Variants in F11R observed in about 807,000 individuals in gnomAD.
F11R encodes junctional adhesion molecule A.
F11R carries 27 observed loss-of-function variants against 39.3 expected under a neutral mutation model. The observed-to-expected ratio is 0.69, with a 90% CI of 0.51 to 0.95. F11R has a LOEUF of 0.95. F11R is among the 40% of genes least tolerant of loss of function. The pLI is 0.00. For missense variants in F11R, 335 were observed against 372.7 expected, an observed-to-expected ratio of 0.90 and a Z score of 0.83; for synonymous variants, 131 against 144.9, an observed-to-expected ratio of 0.90 and a Z score of 0.69.
intron 8 of F11R, 132 bp downstream of exon 8, chr1:160,999,264 G>T: frequency 6.9e-7 from 1 of 1,443,052 alleles, no homozygotes; most frequent in Non-Finnish European, 9.8e-7. Flanking sequence ...AGAAAGGGCT[G>T]GATATCCAAA....
At chr1:161,006,444 AC>A (rs1160539727) in intron 1 of F11R, among the ~76,000 whole-genome samples, 9 of 152,122 alleles carry the variant, frequency 5.9e-5, no homozygotes, top group Admixed American at 5.9e-4. Flanking sequence ...ACAAATCACA[AC>A]ATGTGAATTT....
intron 1 of F11R, among the ~76,000 whole-genome samples, chr1:161,010,834 A>C (rs1425560549): frequency 6.6e-6 from 1 of 151,704 alleles, no homozygotes; most frequent in Non-Finnish European, 1.5e-5. Context: ...AAAAATATAA[A>C]AATTAGCTGG....
intron 1 of F11R, among the ~76,000 whole-genome samples, chr1:161,013,581 G>A (rs1398665118): frequency 6.6e-6 from 1 of 152,216 alleles, no homozygotes; most frequent in East Asian, 1.9e-4. Context: ...AAGTTCCACA[G>A]GGAAGGGCCT....
intron 1 of F11R, among the ~76,000 whole-genome samples, chr1:161,013,144 A>G (rs1319424263): frequency 4.6e-5 from 7 of 151,794 alleles, no homozygotes; most frequent in Admixed American, 1.3e-4. Context: ...AAAAAAAAAA[A>G]AAAGAAGAAA....
intron 1 of F11R, among the ~76,000 whole-genome samples, chr1:161,014,986 G>A (rs1649371601): frequency 6.6e-6 from 1 of 151,574 alleles, no homozygotes; most frequent in Non-Finnish European, 1.5e-5. Flanking sequence ...GCTGAGGCAG[G>A]AGAATGGCGT....
intron 1 of F11R, 83 bp downstream of exon 1, chr1:161,020,927 C>A: frequency 8.0e-7 from 1 of 1,256,054 alleles, no homozygotes; most frequent in Admixed American, 1.7e-5. Flanking sequence ...CTCCTCCCCT[C>A]CCGCGGGCTA....
intron 1 of F11R, among the ~76,000 whole-genome samples, chr1:161,014,571 C>A (rs1004728281): frequency 2.6e-5 from 4 of 152,304 alleles, no homozygotes; most frequent in Middle Eastern, 3.4e-3. Flanking sequence ...AGGTATGGCT[C>A]ACCACTCACA....
In F11R at chr1:160,998,632, G is replaced by T; in HGVS notation, c.*239C>A. On this transcript the variant is annotated 3_prime_UTR_variant, in exon 10 of 10. Coordinates refer to ENST00000368026, the MANE Select transcript of F11R (RefSeq NM_016946.6). ...TCCTTCCTGATCCCTCAAAGAAATG[G>T]GGAATAAACACTTTAAACAAGTTCC... is the stretch of plus-strand genomic sequence containing the variant. The T allele has an allele frequency of 1.7e-6, 1 of 592,050 alleles. No homozygotes were observed. Among genetic ancestry groups the T allele is most frequent in the Admixed American group, 3.0e-5 (1 of 33,132 alleles). The allele number at this position is 592,050 out of a possible 1,614,324, so 36.7% of individuals were successfully genotyped here. A position where few individuals can be genotyped will look rare whatever the true frequency, so the allele number is the denominator to read the frequency against.
chr1:161,017,113 A>C (rs564320460), intron 1 of F11R, among the ~76,000 whole-genome samples: 4 of 152,244 alleles, frequency 2.6e-5, no homozygotes, highest in South Asian at 2.1e-4. Context: ...TCAAGTACCC[A>C]GGGACAAAAA....
chr1:161,006,384 G>A (rs1274768588), intron 1 of F11R, among the ~76,000 whole-genome samples: 1 of 152,118 alleles, frequency 6.6e-6, no homozygotes, highest in Non-Finnish European at 1.5e-5. Context: ...ATGAACAGCA[G>A]CATCTAATTA....
intron 1 of F11R, among the ~76,000 whole-genome samples, chr1:161,001,826 T>C (rs144176315): frequency 6.6e-6 from 1 of 152,322 alleles, no homozygotes; most frequent in African/African-American, 2.4e-5. Context: ...GTGGAGCATG[T>C]GGTGCTTTTA....
intron 1 of F11R, among the ~76,000 whole-genome samples, chr1:161,016,601 G>A (rs1217304657): frequency 6.6e-6 from 1 of 152,086 alleles, no homozygotes; most frequent in Non-Finnish European, 1.5e-5. Flanking sequence ...AGGTTGCAGT[G>A]AGCCAAGATC....
Position 161,001,068 on chromosome 1 carries a change from C to A in F11R, c.193G>T (p.Asp65Tyr). Reference sequence around the variant, plus strand: ...ACGAGTCTGGTGGTGTCTCCTTGGTCAAACTTCCACTCCACACGGGGAGAA... The same window carrying A: ...ACGAGTCTGGTGGTGTCTCCTTGGTAAAACTTCCACTCCACACGGGGAGAA... Reference protein sequence around the residue: ...FSSPRVEWKFDQGDTTRLVCY... With the variant: ...FSSPRVEWKFYQGDTTRLVCY... The change falls in exon 3 of 10, where the codon GAC (aspartate) becomes TAC (tyrosine). Residue 65 changes from aspartate to tyrosine, a missense_variant. Physicochemically the swap from Asp to Tyr is radical, Grantham distance 160. Coordinates refer to ENST00000368026, the MANE Select transcript of F11R (RefSeq NM_016946.6). 1 of 1,614,130 alleles carries A rather than the reference C, an allele frequency of 6.2e-7. No homozygotes were observed. Among genetic ancestry groups the A allele is most frequent in the South Asian group, 1.1e-5 (1 of 91,048 alleles).
intron 1 of F11R, among the ~76,000 whole-genome samples, chr1:161,017,629 T>TCAATAAATA (rs1649536839): frequency 6.6e-6 from 1 of 152,208 alleles, no homozygotes; most frequent in African/African-American, 2.4e-5. Flanking sequence ...CCACGAATGA[T>TCAATAAATA]CAATAAATAC....
intron 1 of F11R, among the ~76,000 whole-genome samples, chr1:161,015,703 A>G (rs1398764443): frequency 6.6e-6 from 1 of 150,458 alleles, no homozygotes; most frequent in Non-Finnish European, 1.5e-5. Flanking sequence ...AAACTCCATG[A>G]TATATATATA....
At chr1:161,007,148 G>A (rs1411076459) in intron 1 of F11R, among the ~76,000 whole-genome samples, 1 of 122,778 alleles carries the variant, frequency 8.1e-6, no homozygotes, top group African/African-American at 3.1e-5. Flanking sequence ...TCCAGCCTGG[G>A]CAACAAGAAA....
intron 1 of F11R, among the ~76,000 whole-genome samples, chr1:161,006,137 CA>C (rs910463399): frequency 3.5e-4 from 47 of 135,548 alleles, no homozygotes; most frequent in Admixed American, 9.6e-4. Flanking sequence ...GACTCCATCT[CA>C]AAAAAAAAAG....
At chr1:161,003,721 C>A (rs1018302090) in intron 1 of F11R, among the ~76,000 whole-genome samples, 1 of 151,522 alleles carries the variant, frequency 6.6e-6, no homozygotes, top group Non-Finnish European at 1.5e-5. Flanking sequence ...GGATTACAGG[C>A]GCCCGCCACT....
At chr1:160,999,221 G>GA (rs1648317724) in intron 8 of F11R, 130 bp from the exon 9 acceptor site, 14 of 1,447,334 alleles carry the variant, frequency 9.7e-6, no homozygotes, top group South Asian at 2.3e-5. Flanking sequence ...GTATGGGTGG[G>GA]GTAACAGGAC....
Sources: allele counts gnomAD v4.1 joint callset (sites outside exome capture counted in the v4.1 genomes callset), GRCh38; gene constraint gnomAD v4.1.1; transcripts MANE v1.5; gene names NCBI Gene and HGNC (gene_info 2026-07-23, HGNC 2026-07-21).